Variants in PSMG3 observed in about 807,000 individuals in gnomAD.
PSMG3 encodes the protein PAC-3.
In PSMG3, 4 loss-of-function variants were observed where a neutral mutation model predicts 7.9. The ratio of observed to expected loss-of-function variants is 0.51; its 90% CI spans 0.25 to 1.16. PSMG3 has a LOEUF of 1.16. PSMG3 is among the 50% of genes most tolerant of loss of function. The pLI, the probability that PSMG3 is intolerant of heterozygous loss-of-function variation, is 0.15. For synonymous variants in PSMG3, 81 were observed against 69.8 expected (o/e 1.16, Z -0.80); for missense variants, 151 against 157.4 (o/e 0.96, Z 0.22).
intron 1 of PSMG3, 41 bp downstream of exon 1, chr7:1,569,083 G>C (rs1230294645): frequency 6.3e-7 from 1 of 1,579,496 alleles, no homozygotes; most frequent in Non-Finnish European, 8.7e-7. Context: ...AAGTGCTAGG[G>C]TTACAGGCGT....
rs773166864 is a variant in PSMG3 at position 1,567,734 on chromosome 7, C to A, written c.333G>T (p.Ala111=). ...VKDKSMEGLK[A]LREVIRVCQV... Reference sequence around the variant, plus strand: ...GGCACACCCGGATCACCTCCCTCAGCGCCTTCAGCCCCTCCATGCTTTTGT... The same window carrying A: ...GGCACACCCGGATCACCTCCCTCAGAGCCTTCAGCCCCTCCATGCTTTTGT... The change falls in exon 2 of 2, where the codon GCG becomes GCT. Residue 111 remains alanine (A), a synonymous_variant. Coordinates refer to ENST00000288607, the MANE Select transcript of PSMG3 (RefSeq NM_032302.4). The A allele has an allele frequency of 1.2e-6, 2 of 1,614,030 alleles. No homozygotes were observed. The highest frequency in any genetic ancestry group is 8.5e-7 in the Non-Finnish European group (1 of 1,180,022).
At position 1,569,257 on chromosome 7, in the gene PSMG3, A is replaced by C; in HGVS notation, c.83T>G (p.Phe28Cys). Residue 28 changes from phenylalanine to cysteine, a missense_variant, in exon 1 of 2, where the codon TTC (phenylalanine) becomes TGC (cysteine). By Grantham distance (205) the Phe-to-Cys change is radical. Coordinates refer to ENST00000288607, the MANE Select transcript of PSMG3 (RefSeq NM_032302.4). ...CACCACCACCAGGATGTGACTGCTG[A>C]AGGCCGTACACACCACCTGGGTGGG... ...GVPTQVVCTA[F>C]SSHILVVVTQ... 1.9e-6 allele frequency: 3 copies of C among 1,613,726 alleles called. No individual in the cohort carries two copies. The highest frequency in any genetic ancestry group is 2.5e-6 in the Non-Finnish European group (3 of 1,180,014).
In PSMG3 at chr7:1,569,358, C is replaced by A. The variant is rs550410826; in HGVS notation, c.-19G>T. ...CTTCCATGGCGGGGCTCTGCAGTGG[C>A]AGCTTTAATTTAGGTTAAAAAGAAA... On this transcript the variant is annotated 5_prime_UTR_variant, in exon 1 of 2. Coordinates refer to ENST00000288607, the MANE Select transcript of PSMG3 (RefSeq NM_032302.4). 4.5e-6 allele frequency: 7 copies of A among 1,570,478 alleles called. No individual in the cohort carries two copies. The East Asian group carries it at 1.2e-4, about 26-fold the overall frequency.
chr7:1,567,589 G>C lies in PSMG3; in HGVS notation c.*109C>G. ...TCTTTTTTCCTGGCTCCAAGGGCTAGTGCCAAAGTTCCTCCCTCCACCGGG... is the reference window on the plus strand; with the variant it reads ...TCTTTTTTCCTGGCTCCAAGGGCTACTGCCAAAGTTCCTCCCTCCACCGGG... On this transcript the variant is annotated 3_prime_UTR_variant, in exon 2 of 2. Transcript: ENST00000288607. 1.8e-6 allele frequency: 2 copies of C among 1,116,764 alleles called. No homozygotes were observed. The highest frequency in any genetic ancestry group is 3.1e-5 in the South Asian group (2 of 65,286). The allele number at this position is 1,116,764 out of a possible 1,614,324, so 69.2% of individuals were successfully genotyped here.
At chr7:1,568,119 A>C (rs989161044) in intron 1 of PSMG3, among the ~76,000 whole-genome samples, 4 of 152,084 alleles carry the variant, frequency 2.6e-5, no homozygotes, top group Admixed American at 6.6e-5. Flanking sequence ...AAAAGAACCC[A>C]GGAAAGAGAA....
At position 1,567,476 on chromosome 7, in the gene PSMG3, T is replaced by C. The variant is rs978931433; in HGVS notation, c.*222A>G. On this transcript the variant is annotated 3_prime_UTR_variant, in exon 2 of 2. Coordinates refer to ENST00000288607, the MANE Select transcript of PSMG3 (RefSeq NM_032302.4). The stretch of plus-strand genomic sequence containing the variant: ...ACGATTCAGGTCCTGGTGAGAACCA[T>C]TCACGACTCCTCCGGGACCTGTTCC... 3 of 447,642 alleles carry C rather than the reference T, an allele frequency of 6.7e-6. No homozygotes were observed. The highest frequency in any genetic ancestry group is 1.2e-5 in the Non-Finnish European group (3 of 255,290). 27.7% of individuals were successfully genotyped at this position (447,642 alleles called of 1,614,324 possible).
rs137865689 is a variant in PSMG3 at position 1,568,933 on chromosome 7, C to T, written c.216+191G>A. Among the ~76,000 whole-genome samples, 818 of 152,326 alleles carry T rather than the reference C, an allele frequency of 5.4e-3. 4 individuals carry two copies. Among genetic ancestry groups the T allele is most frequent in the Middle Eastern group, 0.024 (7 of 294 alleles). On this transcript the variant is annotated intron_variant, in intron 1 of 1. Transcript: ENST00000288607. ...AAAGTGCTGGGATTACAGGTGTGAG[C>T]CACTGCACCCAGCCTCTCTCTATAT...
rs575950637 is a variant in PSMG3 at position 1,569,263 on chromosome 7, G to A, written c.77C>T (p.Thr26Met). 4.2e-5 allele frequency: 68 copies of A among 1,613,620 alleles called. No homozygotes were observed. The highest frequency in any genetic ancestry group is 5.6e-5 in the Non-Finnish European group (66 of 1,179,988). Reference protein sequence around the residue: ...VCGVPTQVVCTAFSSHILVVV... With the variant: ...VCGVPTQVVCMAFSSHILVVV... ...CACCAGGATGTGACTGCTGAAGGCC[G>A]TACACACCACCTGGGTGGGGACCCC... The change falls in exon 1 of 2, where the codon ACG becomes ATG. Residue 26 changes from threonine to methionine, a missense_variant. Transcript: ENST00000288607.
chr7:1,568,815 T>C (rs1778821550), intron 1 of PSMG3, among the ~76,000 whole-genome samples: 1 of 152,150 alleles, frequency 6.6e-6, no homozygotes, highest in African/African-American at 2.4e-5. Context: ...ACCCAGCTAA[T>C]TTTTATATTT....
In PSMG3 at chr7:1,569,437, A is replaced by T. The variant is rs1778838173; in HGVS notation, c.-98T>A. On this transcript the variant is annotated 5_prime_UTR_variant, in exon 1 of 2. Transcript: ENST00000288607. ...ACAGCCTTGGGGCTCCCAAAAAAGT[A>T]GCACGGGGCATTGAAACGGAAACGC... 9.9e-7 allele frequency: 1 copy of T among 1,006,336 alleles called. No homozygotes were observed. Among genetic ancestry groups the T allele is most frequent in the Non-Finnish European group, 1.4e-6 (1 of 703,896 alleles). The allele number at this position is 1,006,336 out of a possible 1,614,324, so 62.3% of individuals were successfully genotyped here.
Position 1,567,729 on chromosome 7 carries a change from C to T in PSMG3, c.338G>A (p.Arg113Lys). The change falls in exon 2 of 2, where the codon AGG (arginine) becomes AAG (lysine). Residue 113 changes from arginine to lysine, a missense_variant. Physicochemically the swap from Arg to Lys is conservative, Grantham distance 26. Transcript: ENST00000288607. ...DKSMEGLKAL[R>K]EVIRVCQVW ...CACCTGGCACACCCGGATCACCTCC[C>T]TCAGCGCCTTCAGCCCCTCCATGCT... The T allele has an allele frequency of 6.2e-7, 1 of 1,614,158 alleles. No individual in the cohort carries two copies. The highest frequency in any genetic ancestry group is 1.3e-5 in the African/African-American group (1 of 75,062).
In PSMG3 at chr7:1,567,838, C is replaced by T. The variant is rs769822375; in HGVS notation, c.229G>A (p.Val77Ile). ...AACGCTACCAGGTTCTTTGCAAAGA[C>T]ATGGATGAGAGGCTGGTAAAGGAAG... ...LLGQDEPLIHVFAKNLVAFVS... is the reference protein window; with the variant it reads ...LLGQDEPLIHIFAKNLVAFVS... The change falls in exon 2 of 2, where the codon GTC becomes ATC. Residue 77 changes from valine to isoleucine, a missense_variant. Transcript: ENST00000288607. The T allele has an allele frequency of 2.5e-6, 4 of 1,613,592 alleles. No individual in the cohort carries two copies. Among genetic ancestry groups the T allele is most frequent in the East Asian group, 4.5e-5 (2 of 44,850 alleles).
chr7:1,568,792 C>T (rs1186878291), intron 1 of PSMG3, among the ~76,000 whole-genome samples: 3 of 152,252 alleles, frequency 2.0e-5, no homozygotes, highest in East Asian at 1.9e-4. Context: ...AGATTACAGG[C>T]ATGTGCCACC....
In PSMG3 at chr7:1,567,720, AT is replaced by A. The variant is rs767624330; in HGVS notation, c.346del (p.Ile116SerfsTer45). The A allele has an allele frequency of 1.1e-5, 17 of 1,613,944 alleles. No homozygotes were observed. The highest frequency in any genetic ancestry group is 1.3e-5 in the Non-Finnish European group (15 of 1,179,952). ...MEGLKALREVIRVCQVW is the reference protein window; with the variant it reads ...MEGLKALREVXRVCQVW ...AGGTCACCACACCTGGCACACCCGG[AT>A]CACCTCCCTCAGCGCCTTCAGCCCC... is the stretch of plus-strand genomic sequence containing the variant. On this transcript the variant is annotated frameshift_variant, in exon 2 of 2. Coordinates refer to ENST00000288607, the MANE Select transcript of PSMG3 (RefSeq NM_032302.4). LOFTEE classifies it high-confidence loss of function.
Position 1,569,935 on chromosome 7 carries a change from A to G in PSMG3, c.-596T>C, listed in dbSNP as rs1778858388. On this transcript the variant is annotated 5_prime_UTR_variant, in exon 1 of 2. Transcript: ENST00000288607. ...GCAGCCGCGGCCCGGGACCCCCACG[A>G]CACGCGGTGCCGAGGCCGGCCGGGC... The G allele has an allele frequency of 6.6e-6, 1 of 151,692 alleles. No homozygotes were observed. The highest frequency in any genetic ancestry group is 6.6e-5 in the Admixed American group (1 of 15,252). The allele number at this position is 151,692 out of a possible 1,614,324, so 9.4% of individuals were successfully genotyped here. A position where few individuals can be genotyped will look rare whatever the true frequency, so the allele number is the denominator to read the frequency against.
Position 1,569,689 on chromosome 7 carries a change from CG to C in PSMG3, c.-351del. On this transcript the variant is annotated 5_prime_UTR_variant, in exon 1 of 2. An upstream open reading frame in the 5' UTR gains an earlier in-frame stop. Transcript: ENST00000288607. ...CTGAGGCGGGAAGATCGCTTCAGCC[CG>C]GGAGGTCGAGGCTGCGGTGAGCCGT... The C allele has an allele frequency of 4.7e-6, 1 of 214,278 alleles. No individual in the cohort carries two copies. The highest frequency in any genetic ancestry group is 9.5e-6 in the Non-Finnish European group (1 of 105,570). The allele number at this position is 214,278 out of a possible 1,614,324, so 13.3% of individuals were successfully genotyped here.
Position 1,569,622 on chromosome 7 carries a change from A to C in PSMG3, c.-283T>G, listed in dbSNP as rs960915923. On this transcript the variant is annotated 5_prime_UTR_variant, in exon 1 of 2. Coordinates refer to ENST00000288607, the MANE Select transcript of PSMG3 (RefSeq NM_032302.4). ...ATCTCTACCAAAAAAAAAAAAAAAA[A>C]AAACCAGCAGGGCGCGCCTGTGGTC... is the stretch of plus-strand genomic sequence containing the variant. The C allele has an allele frequency of 2.0e-5, 6 of 306,134 alleles. No homozygotes were observed. The highest frequency in any genetic ancestry group is 6.6e-5 in the African/African-American group (3 of 45,772). The allele number at this position is 306,134 out of a possible 1,614,324, so 19.0% of individuals were successfully genotyped here. A position where few individuals can be genotyped will look rare whatever the true frequency, so the allele number is the denominator to read the frequency against.
At chr7:1,568,814 A>G (rs11765898) in intron 1 of PSMG3, among the ~76,000 whole-genome samples, 20,293 of 151,934 alleles carry the variant, frequency 0.13, 1,813 homozygotes, top group African/African-American at 0.25. Flanking sequence ...CACCCAGCTA[A>G]TTTTTATATT....
Position 1,569,464 on chromosome 7 carries a change from A to G in PSMG3, c.-125T>C. 1.3e-6 allele frequency: 1 copy of G among 788,422 alleles called. No individual in the cohort carries two copies. The highest frequency in any genetic ancestry group is 2.0e-6 in the Non-Finnish European group (1 of 509,170). 48.8% of individuals were successfully genotyped at this position (788,422 alleles called of 1,614,324 possible). ...CACGGGGCATTGAAACGGAAACGCA[A>G]GGAGGCCCATTCAAAAGAAGGGGCC... On this transcript the variant is annotated 5_prime_UTR_variant, in exon 1 of 2. Transcript: ENST00000288607.
Sources: gnomAD v4.1 joint callset for allele counts (sites outside exome capture counted in the v4.1 genomes callset) on GRCh38, gnomAD v4.1.1 for gene constraint, MANE v1.5 for transcripts, NCBI Gene and HGNC (gene_info 2026-07-23, HGNC 2026-07-21) for gene names.